The following PDZRN4 variants were observed in gnomAD, a reference collection of about 807,000 sequenced individuals.
PDZRN4 encodes PDZ domain-containing RING finger protein 4.
Under a neutral mutation model 99.0 loss-of-function variants are expected in PDZRN4, and 70 were observed. That is an observed-to-expected ratio of 0.71 (90% CI 0.58 to 0.86). The LOEUF is 0.86. Ranked by LOEUF, PDZRN4 falls within the 40% of genes least tolerant of loss-of-function variation. The probability of loss-of-function intolerance (pLI) is 0.00; values close to 1 mark genes in which losing one functional copy is unlikely to be tolerated. For synonymous variants in PDZRN4, 551 were observed against 501.6 expected (o/e 1.10, Z -1.32); for missense variants, 1,474 against 1,331.2 (o/e 1.11, Z -1.67).
rs542647213 is a variant in PDZRN4 at position 41,430,418 on chromosome 12, G to A, written c.844-76038G>A. On this transcript the variant is annotated intron_variant, in intron 3 of 9. Coordinates refer to ENST00000402685, the MANE Select transcript of PDZRN4 (RefSeq NM_001164595.2). Reference sequence around the variant, plus strand: ...CAGGAGGCAGAGGTTGCAGTGAGCCGAGATTGTGCCACTGCACTCCAGCCC... The same window carrying A: ...CAGGAGGCAGAGGTTGCAGTGAGCCAAGATTGTGCCACTGCACTCCAGCCC... Among the ~76,000 whole-genome samples, 227 of 151,334 alleles carry A rather than the reference G, an allele frequency of 1.5e-3. 2 individuals are homozygous for A. The highest frequency in any genetic ancestry group is 4.9e-3 in the African/African-American group (204 of 41,214).
intron 3 of PDZRN4, among the ~76,000 whole-genome samples, chr12:41,500,922 C>T (rs1034057113): frequency 5.2e-4 from 79 of 152,096 alleles, no homozygotes; most frequent in Non-Finnish European, 1.5e-4. Context: ...TTGGCAACAC[C>T]TCCCTAATTA....
At chr12:41,209,220 A>T (rs2120688896) in intron 3 of PDZRN4, among the ~76,000 whole-genome samples, 2 of 152,132 alleles carry the variant, frequency 1.3e-5, no homozygotes, top group Admixed American at 1.3e-4. Flanking sequence ...ATCAACAGTT[A>T]CTTTCTTTAG....
chr12:41,395,145 T>C (rs1952237685), intron 3 of PDZRN4, among the ~76,000 whole-genome samples: 1 of 152,148 alleles, frequency 6.6e-6, no homozygotes, highest in Admixed American at 6.6e-5. Context: ...AACTTCATCA[T>C]CCATATCAAG....
chr12:41,567,684 G>T, intron 8 of PDZRN4, 99 bp from the exon 9 acceptor site: 32 of 467,256 alleles, frequency 6.8e-5, no homozygotes, highest in East Asian at 8.5e-5. Context: ...GAATCATTAT[G>T]ATAAAAGGAA....
intron 3 of PDZRN4, among the ~76,000 whole-genome samples, chr12:41,266,641 G>C (rs372023767): frequency 1.3e-5 from 2 of 152,216 alleles, no homozygotes; most frequent in African/African-American, 4.8e-5. Flanking sequence ...ATGGAAGTGG[G>C]GGTAGTAGTT....
chr12:41,223,423 T>C (rs1950971403), intron 3 of PDZRN4, among the ~76,000 whole-genome samples: 1 of 152,094 alleles, frequency 6.6e-6, no homozygotes, highest in South Asian at 2.1e-4. Context: ...CCCATCTATA[T>C]GTATTTAGTT....
chr12:41,432,557 C>T (rs553960914), intron 3 of PDZRN4, among the ~76,000 whole-genome samples: 76 of 152,294 alleles, frequency 5.0e-4, no homozygotes, highest in Admixed American at 8.5e-4. Context: ...AGGTACAATT[C>T]TATGAGTTTT....
intron 3 of PDZRN4, among the ~76,000 whole-genome samples, chr12:41,253,750 G>C (rs1951186566): frequency 6.6e-6 from 1 of 152,090 alleles, no homozygotes; most frequent in South Asian, 2.1e-4. Flanking sequence ...TCCATCAAAA[G>C]ATAAATGGAT....
At chr12:41,331,486 G>A (rs1165645606) in intron 3 of PDZRN4, among the ~76,000 whole-genome samples, 1 of 152,024 alleles carries the variant, frequency 6.6e-6, no homozygotes, top group Non-Finnish European at 1.5e-5. Flanking sequence ...TCAAGAGATT[G>A]GCATTTACAT....
intron 3 of PDZRN4, among the ~76,000 whole-genome samples, chr12:41,392,562 CT>C (rs1234871795): frequency 2.6e-5 from 4 of 152,284 alleles, no homozygotes; most frequent in South Asian, 2.1e-4. Context: ...TTTCAGTGGA[CT>C]TGTGTTCACA....
At chr12:41,507,845 G>A (rs1443188470) in intron 4 of PDZRN4, among the ~76,000 whole-genome samples, 1 of 151,992 alleles carries the variant, frequency 6.6e-6, no homozygotes, top group African/African-American at 2.4e-5. Flanking sequence ...GTCAGGGCTT[G>A]CAACTAGATG....
intron 9 of PDZRN4, among the ~76,000 whole-genome samples, chr12:41,571,574 G>T (rs979011478): frequency 1.3e-5 from 2 of 152,052 alleles, no homozygotes; most frequent in Non-Finnish European, 2.9e-5. Context: ...CCCTGGTTAA[G>T]AGTAGAAAAA....
chr12:41,376,873 AG>A (rs1384579889), intron 3 of PDZRN4, among the ~76,000 whole-genome samples: 1 of 152,100 alleles, frequency 6.6e-6, no homozygotes, highest in Non-Finnish European at 1.5e-5. Context: ...TTTATATTTA[AG>A]TTTTAATTCT....
intron 3 of PDZRN4, among the ~76,000 whole-genome samples, chr12:41,378,428 ATTTTC>A (rs1224804077): frequency 6.6e-6 from 1 of 150,458 alleles, no homozygotes; most frequent in Non-Finnish European, 1.5e-5. Context: ...TTGGCTGGTA[ATTTTC>A]TTTTCTTGTA....
intron 6 of PDZRN4, among the ~76,000 whole-genome samples, chr12:41,553,524 C>T (rs556879651): frequency 1.3e-5 from 1 of 75,334 alleles, no homozygotes; most frequent in East Asian, 4.3e-4. Context: ...GACTCTGTCT[C>T]TACAAAAAAA....
chr12:41,539,449 C>T (rs1453825337), intron 5 of PDZRN4, among the ~76,000 whole-genome samples: 1 of 151,816 alleles, frequency 6.6e-6, no homozygotes, highest in African/African-American at 2.4e-5. Flanking sequence ...AGAAAAAGAA[C>T]AGAGAAAAGC....
intron 3 of PDZRN4, among the ~76,000 whole-genome samples, chr12:41,366,376 G>GA (rs34366560): frequency 2.0e-5 from 3 of 152,088 alleles, no homozygotes; most frequent in Non-Finnish European, 4.4e-5. Flanking sequence ...AAAGGACAGT[G>GA]AAAAACTCCA....
intron 3 of PDZRN4, among the ~76,000 whole-genome samples, chr12:41,384,715 GCCAAAGTCATCATATGTTGACT>G (rs1952154708): frequency 1.3e-5 from 2 of 152,132 alleles, no homozygotes; most frequent in Non-Finnish European, 2.9e-5. Flanking sequence ...GACAGGCTCT[GCCAAAGTCATCATATGTTGACT>G]GGAATCATGC....
chr12:41,482,467 A>G (rs1937691054), intron 3 of PDZRN4, among the ~76,000 whole-genome samples: 1 of 152,200 alleles, frequency 6.6e-6, no homozygotes. Flanking sequence ...ATTTGTCACC[A>G]GGTAAGATTC....
Sources: allele counts gnomAD v4.1 joint callset (sites outside exome capture counted in the v4.1 genomes callset), GRCh38; gene constraint gnomAD v4.1.1; transcripts MANE v1.5; gene names NCBI Gene and HGNC (gene_info 2026-07-23, HGNC 2026-07-21).